Variants in LRRC4C observed in about 807,000 individuals in gnomAD.
LRRC4C encodes leucine rich repeat containing 4C.
LRRC4C carries 5 observed loss-of-function variants against 33.6 expected under a neutral mutation model. The ratio of observed to expected loss-of-function variants is 0.15; its 90% CI spans 0.08 to 0.31. The LOEUF (loss-of-function observed/expected upper bound fraction) is 0.31, where lower values mean the gene tolerates loss of function less well. LRRC4C is among the 10% of genes least tolerant of loss of function. LRRC4C has a pLI of 1.00. For missense variants in LRRC4C, 560 were observed against 796.7 expected (o/e 0.70, Z 3.58); for synonymous variants, 329 against 302.0 (o/e 1.09, Z -0.93).
intron 1 of LRRC4C, among the ~76,000 whole-genome samples, chr11:41,339,505 T>C (rs1951561861): frequency 6.6e-6 from 1 of 152,104 alleles, no homozygotes; most frequent in African/African-American, 2.4e-5. Flanking sequence ...CAGAAACTTT[T>C]AGAAGCTAGA....
intron 5 of LRRC4C, among the ~76,000 whole-genome samples, chr11:40,215,353 C>T (rs1378045762): frequency 1.3e-5 from 2 of 152,064 alleles, no homozygotes; most frequent in Non-Finnish European, 2.9e-5. Flanking sequence ...TCAGTGCTCT[C>T]CACCCTGTAA....
intron 2 of LRRC4C, among the ~76,000 whole-genome samples, chr11:40,801,411 G>A (rs1951036158): frequency 6.6e-6 from 1 of 151,928 alleles, no homozygotes; most frequent in East Asian, 1.9e-4. Context: ...ATTCTCTTTT[G>A]AACTCCAATA....
chr11:40,814,009 G>A (rs980090738), intron 2 of LRRC4C, among the ~76,000 whole-genome samples: 3 of 152,188 alleles, frequency 2.0e-5, no homozygotes, highest in African/African-American at 2.4e-5. Flanking sequence ...TCACAGGCTA[G>A]CATTGAGTCA....
At chr11:41,049,717 T>C (rs1465503276) in intron 1 of LRRC4C, among the ~76,000 whole-genome samples, 1 of 152,208 alleles carries the variant, frequency 6.6e-6, no homozygotes, top group African/African-American at 2.4e-5. Flanking sequence ...TATAGGGAAA[T>C]GATTCCATCT....
At chr11:40,973,149 C>A (rs982715214) in intron 1 of LRRC4C, among the ~76,000 whole-genome samples, 1 of 152,128 alleles carries the variant, frequency 6.6e-6, no homozygotes, top group Admixed American at 6.6e-5. Flanking sequence ...GCCTGCAGAT[C>A]CATGAGCCAA....
At chr11:40,561,444 G>T (rs1326321426) in intron 3 of LRRC4C, among the ~76,000 whole-genome samples, 1 of 118,860 alleles carries the variant, frequency 8.4e-6, no homozygotes, top group Non-Finnish European at 1.6e-5. Context: ...ACAGAGTCTC[G>T]CTCTGTTGCC....
intron 3 of LRRC4C, among the ~76,000 whole-genome samples, chr11:40,437,704 T>C (rs549730104): frequency 3.3e-5 from 5 of 151,744 alleles, no homozygotes; most frequent in African/African-American, 1.2e-4. Flanking sequence ...GTGACTTTCT[T>C]TTTCCTTTTC....
At chr11:40,359,543 T>C (rs1221857251) in intron 3 of LRRC4C, among the ~76,000 whole-genome samples, 2 of 152,180 alleles carry the variant, frequency 1.3e-5, no homozygotes, top group Non-Finnish European at 2.9e-5. Flanking sequence ...CTAATTCTGG[T>C]CCTTATCTCA....
chr11:40,896,861 C>T (rs1026902500), intron 2 of LRRC4C, among the ~76,000 whole-genome samples: 2 of 152,244 alleles, frequency 1.3e-5, no homozygotes, highest in African/African-American at 4.8e-5. Flanking sequence ...TTAAAGCATG[C>T]CACCTCACTT....
At chr11:41,316,266 AAAAAAAAAAAAAAC>A (rs1305367394) in intron 1 of LRRC4C, among the ~76,000 whole-genome samples, 4 of 149,212 alleles carry the variant, frequency 2.7e-5, no homozygotes, top group Non-Finnish European at 5.9e-5. Context: ...GGATGGCAAA[AAAAAAAAAAAAAAC>A]AAAAAAAAAC....
chr11:40,444,597 A>AT (rs1259981514), intron 3 of LRRC4C, among the ~76,000 whole-genome samples: 1 of 151,880 alleles, frequency 6.6e-6, no homozygotes, highest in Admixed American at 6.6e-5. Flanking sequence ...TATTTGCCTA[A>AT]TTTTTTTCTT....
chr11:41,422,323 C>G (rs1173022530), intron 1 of LRRC4C, among the ~76,000 whole-genome samples: 1 of 152,010 alleles, frequency 6.6e-6, no homozygotes, highest in Non-Finnish European at 1.5e-5. Flanking sequence ...TTCTCCTTGT[C>G]AGTACTTGGT....
At chr11:40,263,055 G>A (rs1485722915) in intron 4 of LRRC4C, among the ~76,000 whole-genome samples, 1 of 151,782 alleles carries the variant, frequency 6.6e-6, no homozygotes, top group Non-Finnish European at 1.5e-5. Flanking sequence ...TAGCTACCAT[G>A]ATTCACAACT....
At chr11:40,555,811 A>C (rs1325523798) in intron 3 of LRRC4C, among the ~76,000 whole-genome samples, 2 of 152,254 alleles carry the variant, frequency 1.3e-5, no homozygotes, top group East Asian at 3.8e-4. Flanking sequence ...AAAATCAAGG[A>C]AAGCAACAGA....
intron 3 of LRRC4C, among the ~76,000 whole-genome samples, chr11:40,469,229 G>A (rs1296332388): frequency 6.6e-6 from 1 of 152,162 alleles, no homozygotes; most frequent in Non-Finnish European, 1.5e-5. Context: ...GCCCACGGAG[G>A]GCGAGCTGAA....
intron 1 of LRRC4C, among the ~76,000 whole-genome samples, chr11:40,990,261 A>ATATG: frequency 7.0e-6 from 1 of 141,852 alleles, no homozygotes; most frequent in Non-Finnish European, 1.5e-5. Context: ...ATATATATAT[A>ATATG]TATATATATA....
intron 3 of LRRC4C, among the ~76,000 whole-genome samples, chr11:40,606,681 A>G (rs1345076929): frequency 1.3e-5 from 2 of 152,170 alleles, no homozygotes; most frequent in African/African-American, 4.8e-5. Context: ...GCTAGAAAAT[A>G]TAAGAAAAAA....
intron 1 of LRRC4C, among the ~76,000 whole-genome samples, chr11:41,056,770 T>C (rs556899245): frequency 9.9e-5 from 15 of 152,186 alleles, no homozygotes; most frequent in Admixed American, 5.9e-4. Flanking sequence ...TAACAGATGC[T>C]GACAAGGTTA....
At chr11:40,119,489 CTG>C (rs1023093909) in intron 6 of LRRC4C, among the ~76,000 whole-genome samples, 3 of 152,110 alleles carry the variant, frequency 2.0e-5, no homozygotes, top group African/African-American at 7.2e-5. Flanking sequence ...CTCCATCAGC[CTG>C]TGGACTCTGT....
Sources: allele counts gnomAD v4.1 joint callset (sites outside exome capture counted in the v4.1 genomes callset), GRCh38; gene constraint gnomAD v4.1.1; transcripts MANE v1.5; gene names NCBI Gene and HGNC (gene_info 2026-07-23, HGNC 2026-07-21).